AGTPBP1: variants seen among roughly 807,000 people sequenced by gnomAD.
AGTPBP1 encodes ATP/GTP binding carboxypeptidase 1.
Under a neutral mutation model 143.9 loss-of-function variants are expected in AGTPBP1, and 70 were observed. The observed-to-expected ratio is 0.49, with a 90% CI of 0.40 to 0.59. The LOEUF is 0.59. Among genes scored for constraint, AGTPBP1 ranks in the 20% least tolerant of loss-of-function variants. The probability of loss-of-function intolerance (pLI) is 0.00; values close to 1 mark genes in which losing one functional copy is unlikely to be tolerated. For missense variants in AGTPBP1, 1,229 were observed against 1,464.5 expected (o/e 0.84, Z 2.62); for synonymous variants, 463 against 500.2 (o/e 0.93, Z 0.99).
intron 3 of AGTPBP1, among the ~76,000 whole-genome samples, chr9:85,684,573 G>C (rs1299765289): frequency 6.6e-6 from 1 of 150,846 alleles, no homozygotes; most frequent in East Asian, 2.0e-4. Flanking sequence ...CCTCAAACAA[G>C]TACTCTATAT....
intron 2 of AGTPBP1, among the ~76,000 whole-genome samples, chr9:85,695,270 G>A (rs1019883412): frequency 6.6e-6 from 1 of 152,218 alleles, no homozygotes; most frequent in Admixed American, 6.5e-5. Flanking sequence ...TTTCCTGTGA[G>A]AGCCTCATGG....
At chr9:85,621,086 TTTA>T in intron 15 of AGTPBP1, 113 bp downstream of exon 15, 1 of 476,652 alleles carries the variant, frequency 2.1e-6, no homozygotes. Flanking sequence ...TATATTTTTA[TTTA>T]TTATTTTAAA....
intron 14 of AGTPBP1, among the ~76,000 whole-genome samples, chr9:85,630,162 G>A (rs1276091585): frequency 6.6e-6 from 1 of 152,186 alleles, no homozygotes; most frequent in African/African-American, 2.4e-5. Context: ...TCAAGTTGCT[G>A]CCTGACTCTG....
Position 85,632,899 on chromosome 9 carries a change from C to T in AGTPBP1, c.1778G>A (p.Cys593Tyr). The T allele has an allele frequency of 1.2e-6, 2 of 1,614,144 alleles. No individual in the cohort carries two copies. Among genetic ancestry groups the T allele is most frequent in the Non-Finnish European group, 1.7e-6 (2 of 1,180,020 alleles). The change falls in exon 14 of 26, where the codon TGC becomes TAC. Residue 593 changes from cysteine (C) to tyrosine (Y), a missense_variant. This residue lies in a region of AGTPBP1 where 743 missense variants were observed against 812.2 expected (regional missense o/e 0.91). Coordinates refer to ENST00000357081, the MANE Select transcript of AGTPBP1 (RefSeq NM_001330701.2). ...EGRTVQLGKLCCTGVETEDDE... is the reference protein window; with the variant it reads ...EGRTVQLGKLYCTGVETEDDE... ...ATCTTCAGTTTCAACTCCAGTGCAG[C>T]AAAGCTTCCCTAGCTGAACTGTTCT...
At chr9:85,583,157 C>T (rs141828429) in intron 23 of AGTPBP1, among the ~76,000 whole-genome samples, 99 of 152,268 alleles carry the variant, frequency 6.5e-4, no homozygotes, top group African/African-American at 2.1e-3. Flanking sequence ...TTCTACCACA[C>T]GGCCTCAAAA....
At chr9:85,668,696 C>T (rs575436936) in intron 8 of AGTPBP1, among the ~76,000 whole-genome samples, 1 of 151,122 alleles carries the variant, frequency 6.6e-6, no homozygotes, top group East Asian at 1.9e-4. Flanking sequence ...AACAAACAAA[C>T]AAAAGTGTGG....
chr9:85,681,346 GCAAA>G lies in AGTPBP1; in HGVS notation c.158-15_158-12del, dbSNP rs1193840401. 2.5e-6 allele frequency: 4 copies of G among 1,608,178 alleles called. No homozygotes were observed. The highest frequency in any genetic ancestry group is 2.5e-6 in the Non-Finnish European group (3 of 1,178,426). On this transcript the variant is annotated splice_polypyrimidine_tract_variant and intron_variant, in intron 3 of 25. Coordinates refer to ENST00000357081, the MANE Select transcript of AGTPBP1 (RefSeq NM_001330701.2). ...CTCTCCTTGTTTTTTCTGAAAAGTA[GCAAA>G]CAATTTTTTTCTCAAACATAAATTT... is the stretch of plus-strand genomic sequence containing the variant.
the AGTPBP1 span, chr9:85,786,491 T>C: frequency 1.3e-5 from 21 of 1,613,734 alleles, no homozygotes; most frequent in East Asian, 4.0e-4. Context: ...GGAACTATCA[T>C]TGCGACGTTC....
At chr9:85,711,132 AG>A in intron 2 of AGTPBP1, among the ~76,000 whole-genome samples, 1 of 152,342 alleles carries the variant, frequency 6.6e-6, no homozygotes, top group Non-Finnish European at 1.5e-5. Context: ...GCTACAAAGC[AG>A]AAACTTTCAT....
chr9:85,741,289 C>G (rs1824245865), intron 1 of AGTPBP1: 1 of 985,412 alleles, frequency 1.0e-6, no homozygotes, highest in African/African-American at 1.7e-5. Context: ...GGCGCTCAGT[C>G]GGGAACGCTA....
chr9:85,775,941 T>C, the AGTPBP1 span, among the ~76,000 whole-genome samples: 1 of 152,206 alleles, frequency 6.6e-6, no homozygotes, highest in Admixed American at 6.5e-5. Context: ...ATCAATACTT[T>C]GCATCCTTCA....
At chr9:85,692,598 T>G in intron 3 of AGTPBP1, 91 bp downstream of exon 3, 1 of 1,488,198 alleles carries the variant, frequency 6.7e-7, no homozygotes, top group Non-Finnish European at 9.0e-7. Flanking sequence ...TTGTGGAAAA[T>G]CATCCATTAT....
chr9:85,632,529 A>G (rs1831745641), intron 14 of AGTPBP1, 133 bp downstream of exon 14: 1 of 812,672 alleles, frequency 1.2e-6, no homozygotes, highest in South Asian at 2.2e-5. Context: ...AAATTTCCAA[A>G]GCAGAATTTA....
upstream of AGTPBP1, among the ~76,000 whole-genome samples, chr9:85,744,520 C>T (rs1413702253): frequency 1.3e-5 from 2 of 152,172 alleles, no homozygotes; most frequent in Non-Finnish European, 2.9e-5. Context: ...TACACGGACA[C>T]TTGAAGAGTG....
intron 10 of AGTPBP1, 112 bp from the exon 11 acceptor site, chr9:85,655,432 T>A (rs1220876146): frequency 1.1e-6 from 1 of 886,086 alleles, no homozygotes; most frequent in Non-Finnish European, 1.6e-6. Context: ...AACAAATATC[T>A]CAAAAACCAA....
intron 17 of AGTPBP1, among the ~76,000 whole-genome samples, chr9:85,616,024 C>T (rs1830583323): frequency 6.6e-6 from 1 of 151,740 alleles, no homozygotes; most frequent in Admixed American, 6.6e-5. Flanking sequence ...AAATACAGAA[C>T]ATGAAATTGC....
chr9:85,610,631 C>T (rs1587732656), intron 17 of AGTPBP1, among the ~76,000 whole-genome samples: 1 of 151,892 alleles, frequency 6.6e-6, no homozygotes, highest in Non-Finnish European at 1.5e-5. Flanking sequence ...GTACCCCAAC[C>T]GGCACGCCCC....
At chr9:85,679,022 A>G (rs1297282809) in intron 4 of AGTPBP1, among the ~76,000 whole-genome samples, 1 of 152,210 alleles carries the variant, frequency 6.6e-6, no homozygotes, top group Non-Finnish European at 1.5e-5. Context: ...GTTGCTTTTA[A>G]TATTTTGCTA....
At chr9:85,756,565 A>G in the AGTPBP1 span, among the ~76,000 whole-genome samples, 1 of 152,176 alleles carries the variant, frequency 6.6e-6, no homozygotes, top group Non-Finnish European at 1.5e-5. Flanking sequence ...AGATAGACAG[A>G]GAGATAGACA....
Sources: gnomAD v4.1 joint callset for allele counts (sites outside exome capture counted in the v4.1 genomes callset) on GRCh38, gnomAD v4.1.1 for gene constraint, gnomAD v4.1.1 regional missense constraint, MANE v1.5 for transcripts, NCBI Gene and HGNC (gene_info 2026-07-23, HGNC 2026-07-21) for gene names.